CCDC18: variants seen among roughly 807,000 people sequenced by gnomAD.
CCDC18 encodes coiled-coil domain containing 18.
CCDC18 carries 157 observed loss-of-function variants against 196.0 expected under a neutral mutation model. That is an observed-to-expected ratio of 0.80 (90% CI 0.70 to 0.91). The LOEUF (loss-of-function observed/expected upper bound fraction) is 0.91. Among genes scored for constraint, CCDC18 ranks in the 40% least tolerant of loss-of-function variants. The probability of loss-of-function intolerance (pLI) is 0.00; values close to 1 mark genes in which losing one functional copy is unlikely to be tolerated. For synonymous variants in CCDC18, 482 were observed against 529.2 expected, an observed-to-expected ratio of 0.91 and a Z score of 1.22; for missense variants, 1,465 against 1,611.6, an observed-to-expected ratio of 0.91 and a Z score of 1.56.
chr1:93,210,221 C>A (rs951550102), intron 9 of CCDC18, among the ~76,000 whole-genome samples: 1 of 152,178 alleles, frequency 6.6e-6, no homozygotes, highest in African/African-American at 2.4e-5. Context: ...TAAATGCTAA[C>A]CTTGCTCCTT....
At position 93,212,270 on chromosome 1, in the gene CCDC18, ATTGAG is replaced by A; in HGVS notation, c.1495+12_1495+16del. 2.0e-6 allele frequency: 3 copies of A among 1,476,864 alleles called. No individual in the cohort carries two copies. The highest frequency in any genetic ancestry group is 2.7e-6 in the Non-Finnish European group (3 of 1,102,022). The allele number at this position is 1,476,864 out of a possible 1,614,324, so 91.5% of individuals were successfully genotyped here. A position where few individuals can be genotyped will look rare whatever the true frequency, so the allele number is the denominator to read the frequency against. On this transcript the variant is annotated intron_variant, in intron 11 of 28. Coordinates refer to ENST00000690025, the MANE Select transcript of CCDC18 (RefSeq NM_001378204.1). ...AGGTGGTCATCAAGTAGGTAAGTAT[ATTGAG>A]TTATTTTAATAAATTATATTCAGAG...
chr1:93,190,658 T>G, intron 4 of CCDC18: 99 of 371,288 alleles, frequency 2.7e-4, no homozygotes, highest in East Asian at 7.4e-4. Context: ...AGTATCAGTA[T>G]GAGATGTTTT....
At chr1:93,271,856 C>T (rs528317896) in intron 28 of CCDC18, among the ~76,000 whole-genome samples, 2 of 152,144 alleles carry the variant, frequency 1.3e-5, no homozygotes, top group South Asian at 4.1e-4. Flanking sequence ...TTTAACTGTC[C>T]ATTCCCCCTT....
chr1:93,210,013 T>C (rs1473346400), intron 9 of CCDC18, among the ~76,000 whole-genome samples: 1 of 152,036 alleles, frequency 6.6e-6, no homozygotes, highest in African/African-American at 2.4e-5. Flanking sequence ...GTGAGCTCTA[T>C]GATCATAAGC....
chr1:93,244,795 G>T (rs555843853), intron 21 of CCDC18, among the ~76,000 whole-genome samples: 2 of 152,252 alleles, frequency 1.3e-5, no homozygotes, highest in African/African-American at 4.8e-5. Context: ...TCTGGTTCCT[G>T]TCCTTGTTCC....
intron 6 of CCDC18, among the ~76,000 whole-genome samples, chr1:93,196,508 T>G (rs373837485): frequency 1.1e-4 from 17 of 152,236 alleles, no homozygotes; most frequent in African/African-American, 3.9e-4. Context: ...ACCAGCAAGA[T>G]ATAAAGACTC....
chr1:93,225,946 A>G (rs1376522918), intron 16 of CCDC18, among the ~76,000 whole-genome samples: 1 of 152,180 alleles, frequency 6.6e-6, no homozygotes, highest in Non-Finnish European at 1.5e-5. Context: ...AGTTGGCCCT[A>G]GTTTATCTTG....
intron 16 of CCDC18, 132 bp from the exon 17 acceptor site, chr1:93,226,201 G>T (rs1205952942): frequency 4.5e-6 from 2 of 443,946 alleles, no homozygotes; most frequent in South Asian, 5.0e-5. Context: ...TTCTATAATG[G>T]CATTTTATAT....
At chr1:93,269,341 G>A (rs1483888852) in intron 27 of CCDC18, among the ~76,000 whole-genome samples, 2 of 150,248 alleles carry the variant, frequency 1.3e-5, no homozygotes, top group African/African-American at 4.9e-5. Context: ...CGAGTTAATG[G>A]GTGCAGCACA....
chr1:93,265,656 C>G (rs1320766097), intron 27 of CCDC18, among the ~76,000 whole-genome samples: 1 of 152,048 alleles, frequency 6.6e-6, no homozygotes, highest in Non-Finnish European at 1.5e-5. Context: ...CCACTTTAAA[C>G]CAACAGGCTT....
intron 16 of CCDC18, among the ~76,000 whole-genome samples, chr1:93,223,916 C>T (rs1435936054): frequency 9.6e-6 from 1 of 104,402 alleles, no homozygotes; most frequent in Non-Finnish European, 2.2e-5. Flanking sequence ...CACACACACA[C>T]ACACACACAC....
chr1:93,209,541 C>G (rs1239750906), intron 9 of CCDC18, among the ~76,000 whole-genome samples: 2 of 152,132 alleles, frequency 1.3e-5, no homozygotes, highest in Non-Finnish European at 2.9e-5. Flanking sequence ...TGATTCAATA[C>G]TATTTTATTG....
intron 27 of CCDC18, among the ~76,000 whole-genome samples, chr1:93,267,185 G>C (rs1228408140): frequency 1.3e-5 from 2 of 152,066 alleles, no homozygotes; most frequent in Non-Finnish European, 2.9e-5. Context: ...CCAAACCAAA[G>C]ACAAAAACCA....
rs767344590 is a variant in CCDC18 at position 93,216,715 on chromosome 1, C to T, written c.1799C>T (p.Ala600Val). The T allele has an allele frequency of 4.4e-6, 7 of 1,581,148 alleles. No individual in the cohort carries two copies. In the African/African-American group the frequency reaches 9.6e-5, roughly 22 times the overall value. The change falls in exon 13 of 29, where the codon GCA becomes GTA. Residue 600 changes from alanine to valine, a missense_variant. Ala to Val is a moderately conservative substitution (Grantham distance 64). Transcript: ENST00000690025. ...EKIVAYSSIAAKNAELEQELM... is the reference protein window; with the variant it reads ...EKIVAYSSIAVKNAELEQELM... ...ATAGTTGCTTATTCCTCTATTGCTG[C>T]AAAAAATGCAGAACTAGAACAGGAG...
chr1:93,233,027 T>C (rs1659486361), intron 18 of CCDC18, among the ~76,000 whole-genome samples: 3 of 152,210 alleles, frequency 2.0e-5, no homozygotes, highest in South Asian at 4.1e-4. Flanking sequence ...AAATACTCTA[T>C]ACTGATATTG....
intron 1 of CCDC18, among the ~76,000 whole-genome samples, chr1:93,181,950 T>C (rs1367671847): frequency 6.6e-6 from 1 of 152,160 alleles, no homozygotes; most frequent in African/African-American, 2.4e-5. Context: ...ACACAGATGT[T>C]GAACTAAAAC....
At chr1:93,211,592 G>A (rs186391232) in intron 10 of CCDC18, among the ~76,000 whole-genome samples, 509 of 152,030 alleles carry the variant, frequency 3.3e-3, no homozygotes, top group Non-Finnish European at 4.6e-3. Context: ...AATATGTACC[G>A]TATACTGTGT....
chr1:93,273,199 G>C (rs1217555686), intron 28 of CCDC18, among the ~76,000 whole-genome samples: 1 of 152,032 alleles, frequency 6.6e-6, no homozygotes, highest in East Asian at 1.9e-4. Context: ...CTCCCGAGTA[G>C]CTGGGACTAC....
upstream of CCDC18, chr1:93,180,415 A>C: frequency 8.0e-7 from 1 of 1,244,254 alleles, no homozygotes; most frequent in South Asian, 1.4e-5. Context: ...CAGTTCTCCA[A>C]AGGGTAGGGA....
Sources: gnomAD v4.1 joint callset for allele counts (sites outside exome capture counted in the v4.1 genomes callset) on GRCh38, gnomAD v4.1.1 for gene constraint, MANE v1.5 for transcripts, NCBI Gene and HGNC (gene_info 2026-07-23, HGNC 2026-07-21) for gene names.